Variants in ARMC2 observed in about 807,000 individuals in gnomAD.
ARMC2 encodes armadillo repeat-containing protein 2.
Under a neutral mutation model 90.3 loss-of-function variants are expected in ARMC2, and 67 were observed. The observed-to-expected ratio is 0.74, with a 90% CI of 0.61 to 0.91. ARMC2 has a LOEUF of 0.91. Among genes scored for constraint, ARMC2 ranks in the 40% least tolerant of loss-of-function variants. ARMC2 has a pLI of 0.00. For synonymous variants in ARMC2, 393 were observed against 393.0 expected, an observed-to-expected ratio of 1.00 and a Z score of 0.00; for missense variants, 920 against 1,030.9, an observed-to-expected ratio of 0.89 and a Z score of 1.47.
intron 12 of ARMC2, among the ~76,000 whole-genome samples, chr6:108,951,490 A>T (rs903600288): frequency 6.6e-6 from 1 of 152,218 alleles, no homozygotes; most frequent in African/African-American, 2.4e-5. Context: ...TTGCTGTAGC[A>T]TTAGCTGCTG....
chr6:108,873,437 T>G (rs2128434890), intron 4 of ARMC2, among the ~76,000 whole-genome samples: 1 of 152,146 alleles, frequency 6.6e-6, no homozygotes, highest in South Asian at 2.1e-4. Flanking sequence ...CTCACGCCTG[T>G]CCTGGGCCTG....
chr6:108,952,967 A>G (rs2281931), intron 12 of ARMC2, 66 bp from the exon 13 acceptor site: 2 of 1,389,138 alleles, frequency 1.4e-6, no homozygotes, highest in African/African-American at 1.4e-5. Context: ...ATTAAATACT[A>G]TCTTCTTCCC....
the ARMC2 span, chr6:109,002,413 G>A: frequency 5.5e-6 from 7 of 1,278,852 alleles, no homozygotes; most frequent in Admixed American, 1.2e-4. Context: ...AAAGGAATGG[G>A]AGGGAAAAAC....
intron 8 of ARMC2, 36 bp from the exon 9 acceptor site, chr6:108,910,863 T>C: frequency 9.6e-7 from 1 of 1,041,338 alleles, no homozygotes; most frequent in Non-Finnish European, 1.4e-6. Context: ...TGTCTTTATT[T>C]CCTTCTGCAA....
the ARMC2 span, among the ~76,000 whole-genome samples, chr6:109,016,650 G>C: frequency 2.6e-5 from 4 of 152,084 alleles, no homozygotes; most frequent in Non-Finnish European, 5.9e-5. Flanking sequence ...TTTACCCAAA[G>C]GGTATAGATA....
intron 5 of ARMC2, among the ~76,000 whole-genome samples, chr6:108,879,497 T>C (rs537397621): frequency 1.3e-5 from 2 of 151,702 alleles, no homozygotes; most frequent in African/African-American, 4.8e-5. Flanking sequence ...CATCTATTCA[T>C]TAACCTATCC....
downstream of ARMC2, among the ~76,000 whole-genome samples, chr6:108,975,894 G>T (rs948520212): frequency 4.4e-4 from 67 of 152,078 alleles, no homozygotes; most frequent in Non-Finnish European, 4.0e-4. Context: ...GTTGATTCTG[G>T]ATATTAGCCC....
intron 12 of ARMC2, among the ~76,000 whole-genome samples, chr6:108,944,521 G>A (rs1202125476): frequency 6.6e-6 from 1 of 152,194 alleles, no homozygotes; most frequent in Non-Finnish European, 1.5e-5. Context: ...AGAGCCGCCT[G>A]TCCAAGGGAG....
intron 5 of ARMC2, among the ~76,000 whole-genome samples, chr6:108,888,423 C>T (rs1770591252): frequency 6.6e-6 from 1 of 152,114 alleles, no homozygotes; most frequent in Admixed American, 6.5e-5. Flanking sequence ...AGTGGTCGGA[C>T]CATGGGATTT....
At chr6:108,906,475 ATT>A (rs201890246) in intron 8 of ARMC2, among the ~76,000 whole-genome samples, 4 of 146,172 alleles carry the variant, frequency 2.7e-5, no homozygotes, top group Admixed American at 6.8e-5. Context: ...TTGTGCCAAC[ATT>A]TTTTTTTTTT....
chr6:108,916,094 G>T (rs1773937074), intron 10 of ARMC2, among the ~76,000 whole-genome samples: 2 of 152,090 alleles, frequency 1.3e-5, no homozygotes, highest in South Asian at 4.1e-4. Context: ...AAAAAACACA[G>T]TGTTGAACTT....
intron 12 of ARMC2, among the ~76,000 whole-genome samples, chr6:108,946,242 A>G (rs576954361): frequency 6.6e-6 from 1 of 152,356 alleles, no homozygotes; most frequent in South Asian, 2.1e-4. Flanking sequence ...TTGGCCTGGT[A>G]CTTTTGAGTG....
Position 108,887,032 on chromosome 6 carries a change from C to T in ARMC2, c.672-7435C>T, listed in dbSNP as rs750297600. Among the ~76,000 whole-genome samples the T allele has an allele frequency of 1.2e-3, 177 of 151,814 alleles. 1 individual carries two copies. The highest frequency in any genetic ancestry group is 4.3e-3 in the Admixed American group (65 of 15,246). ...AAGCAATTCTCTTGCCTCAACCTCC[C>T]GAGTAGCTGGGATTATAGGTACACG... On this transcript the variant is annotated intron_variant, in intron 5 of 17. Transcript: ENST00000392644.
rs1778196270 is a variant in ARMC2 at position 108,964,165 on chromosome 6, T to C, written c.2153-15T>C. On this transcript the variant is annotated splice_polypyrimidine_tract_variant and intron_variant, in intron 15 of 17. Transcript: ENST00000392644. ...TGAACTTTTACTGGTCTGCATTTGC[T>C]CTCTTCCCTCGTAGTCCACAGGTTC... is the stretch of plus-strand genomic sequence containing the variant. 6.2e-7 allele frequency: 1 copy of C among 1,609,724 alleles called. No homozygotes were observed. Among genetic ancestry groups the C allele is most frequent in the African/African-American group, 1.3e-5 (1 of 74,774 alleles).
intron 13 of ARMC2, among the ~76,000 whole-genome samples, chr6:108,957,381 G>A (rs1379714255): frequency 1.3e-5 from 2 of 152,158 alleles, no homozygotes; most frequent in Admixed American, 6.5e-5. Context: ...GTGGAGTGGT[G>A]ACCACATTCC....
At chr6:108,852,590 A>G (rs1350958792) in intron 1 of ARMC2, among the ~76,000 whole-genome samples, 1 of 152,166 alleles carries the variant, frequency 6.6e-6, no homozygotes, top group African/African-American at 2.4e-5. Context: ...TTTTAATGCA[A>G]ACTCAAAGAT....
chr6:108,890,218 A>ACAAAC (rs1276657256), intron 5 of ARMC2, among the ~76,000 whole-genome samples: 5 of 116,568 alleles, frequency 4.3e-5, no homozygotes, highest in South Asian at 3.1e-4. Flanking sequence ...AAAAAAAAAA[A>ACAAAC]AAAAAAAAAA....
In ARMC2 at chr6:108,915,200, C is replaced by T. The variant is rs193177592; in HGVS notation, c.1350+2642C>T. ...CAAACTCATGACCTCAGGTGATCTG[C>T]CCACCTCGGCCTCCCAAAGTGCTGG... On this transcript the variant is annotated intron_variant, in intron 10 of 17. Transcript: ENST00000392644. Among the ~76,000 whole-genome samples the T allele has an allele frequency of 3.9e-3, 595 of 152,204 alleles. 10 individuals are homozygous for T. The highest frequency in any genetic ancestry group is 2.5e-3 in the Non-Finnish European group (168 of 68,014).
chr6:109,031,030 CA>C, the ARMC2 span, among the ~76,000 whole-genome samples: 6 of 152,128 alleles, frequency 3.9e-5, no homozygotes, highest in Non-Finnish European at 8.8e-5. Flanking sequence ...CAATTCTAGG[CA>C]ACGTGTAATT....
Sources: gnomAD v4.1 joint callset for allele counts (sites outside exome capture counted in the v4.1 genomes callset) on GRCh38, gnomAD v4.1.1 for gene constraint, MANE v1.5 for transcripts, NCBI Gene and HGNC (gene_info 2026-07-23, HGNC 2026-07-21) for gene names.